The following TGFBR3 variants were observed in gnomAD, a reference collection of about 807,000 sequenced individuals.
The protein encoded by TGFBR3 is transforming growth factor beta receptor type 3.
A neutral mutation model predicts 87.9 loss-of-function variants in TGFBR3; 46 were observed. The observed-to-expected ratio is 0.52, with a 90% confidence interval of 0.41 to 0.67. The LOEUF (loss-of-function observed/expected upper bound fraction) is 0.67, where lower values mean the gene tolerates loss of function less well. Ranked by LOEUF, TGFBR3 falls within the 30% of genes least tolerant of loss-of-function variation. TGFBR3 has a pLI of 0.00. For synonymous variants in TGFBR3, 381 were observed against 391.6 expected, an observed-to-expected ratio of 0.97 and a Z score of 0.32; for missense variants, 866 against 1,041.9, an observed-to-expected ratio of 0.83 and a Z score of 2.32.
At chr1:91,886,834 A>G (rs1371822936), upstream of TGFBR3, among the ~76,000 whole-genome samples, 1 of 151,978 alleles carries the variant, frequency 6.6e-6, no homozygotes, top group Admixed American at 6.6e-5. Context: ...TAATGGAGCT[A>G]GGTCAGCATT....
At chr1:91,839,691 AGC>A (rs1677196324) in intron 2 of TGFBR3, among the ~76,000 whole-genome samples, 2 of 152,196 alleles carry the variant, frequency 1.3e-5, no homozygotes, top group African/African-American at 4.8e-5. Flanking sequence ...TAGTTCCCAA[AGC>A]GTCAAGGTCA....
chr1:91,828,347 C>T (rs1676723285), intron 2 of TGFBR3, among the ~76,000 whole-genome samples: 2 of 152,126 alleles, frequency 1.3e-5, no homozygotes, highest in South Asian at 4.1e-4. Flanking sequence ...AAAGAGTTTG[C>T]CAAATGGCAA....
At chr1:91,728,848 C>CAGG in intron 6 of TGFBR3, among the ~76,000 whole-genome samples, 1 of 152,278 alleles carries the variant, frequency 6.6e-6, no homozygotes, top group South Asian at 2.1e-4. Context: ...GGGTGAAATG[C>CAGG]AGGCTCATGT....
chr1:91,837,244 A>G (rs930632543), intron 2 of TGFBR3, among the ~76,000 whole-genome samples: 2 of 150,786 alleles, frequency 1.3e-5, no homozygotes, highest in Non-Finnish European at 3.0e-5. Context: ...TTATTTATTT[A>G]TTTATTTAAT....
In TGFBR3 at chr1:91,904,411, C is replaced by CT. The variant is rs370905311; in HGVS notation, c.-175+1414dup. On this transcript the variant is annotated intron_variant, in intron 1 of 17. Transcript: ENST00000370399. ...TGAGCACATTACTAAACCTAAAATT[C>CT]TTTTTTTTTTTTTCTTGCTCTGTCG... 1.5e-3 allele frequency among the ~76,000 whole-genome samples: 197 copies of CT among 133,696 alleles called. 1 individual carries two copies. Among genetic ancestry groups the CT allele is most frequent in the African/African-American group, 3.3e-3 (121 of 36,500 alleles). The allele number at this position is 133,696 out of a possible 152,430, so 87.7% of individuals were successfully genotyped here. A position where few individuals can be genotyped will look rare whatever the true frequency, so the allele number is the denominator to read the frequency against.
intron 12 of TGFBR3, among the ~76,000 whole-genome samples, chr1:91,713,079 A>G (rs1672040173): frequency 6.6e-6 from 1 of 152,188 alleles, no homozygotes; most frequent in South Asian, 2.1e-4. Flanking sequence ...GCGAGAAGGC[A>G]GAGCTGGCTC....
chr1:91,887,066 G>A (rs1679340873), upstream of TGFBR3, among the ~76,000 whole-genome samples: 1 of 151,934 alleles, frequency 6.6e-6, no homozygotes, highest in Admixed American at 6.6e-5. Context: ...TTTACAAACA[G>A]GCAGGTGAAA....
chr1:91,886,405 G>A (rs1402857640), upstream of TGFBR3: 3 of 335,910 alleles, frequency 8.9e-6, no homozygotes, highest in African/African-American at 6.8e-5. Flanking sequence ...GGGACGAGGA[G>A]GCCGAGAGAG....
intron 4 of TGFBR3, among the ~76,000 whole-genome samples, chr1:91,744,449 C>T (rs1195698230): frequency 6.6e-6 from 1 of 152,120 alleles, no homozygotes; most frequent in African/African-American, 2.4e-5. Flanking sequence ...ATATTGTTGG[C>T]ATTATATTTC....
At chr1:91,808,809 TC>T (rs1675929372) in intron 2 of TGFBR3, among the ~76,000 whole-genome samples, 1 of 152,178 alleles carries the variant, frequency 6.6e-6, no homozygotes, top group Admixed American at 6.5e-5. Flanking sequence ...TCCCTATTCT[TC>T]TCACAAGAAG....
chr1:91,890,409 C>CTT (rs1175619952), upstream of TGFBR3, among the ~76,000 whole-genome samples: 1,206 of 60,300 alleles, frequency 0.02, 298 homozygotes, highest in African/African-American at 0.035. Context: ...TCTCTATAAT[C>CTT]TTTTTTTTTT....
chr1:91,879,095 C>G (rs1202991928), intron 1 of TGFBR3, among the ~76,000 whole-genome samples: 1 of 151,918 alleles, frequency 6.6e-6, no homozygotes, highest in Non-Finnish European at 1.5e-5. Flanking sequence ...ATGGCAAAAC[C>G]CTGTCTCTAC....
intron 2 of TGFBR3, among the ~76,000 whole-genome samples, chr1:91,896,952 A>G (rs1445055391): frequency 6.9e-6 from 1 of 145,040 alleles, no homozygotes; most frequent in Non-Finnish European, 1.5e-5. Flanking sequence ...AAGTGTATAT[A>G]TCTTTTTTAA....
At position 91,787,403 on chromosome 1, in the gene TGFBR3, T is replaced by C. The variant is rs143558485; in HGVS notation, c.246+9884A>G. 9.7e-4 allele frequency among the ~76,000 whole-genome samples: 148 copies of C among 152,032 alleles called. 1 individual carries two copies. The highest frequency in any genetic ancestry group is 3.4e-3 in the African/African-American group (139 of 41,464). On this transcript the variant is annotated intron_variant, in intron 3 of 16. Coordinates refer to ENST00000212355, the MANE Select transcript of TGFBR3 (RefSeq NM_003243.5). ...TAAGTAACTCACCCAGGGTCACACA[T>C]GGGGAGTGGCAGAGCTGAGACTAGC...
rs570270112 is a variant in TGFBR3, at chr1:91,834,979, G to A, written c.61+26492C>T. On this transcript the variant is annotated intron_variant, in intron 2 of 16. Coordinates refer to ENST00000212355, the MANE Select transcript of TGFBR3 (RefSeq NM_003243.5). The stretch of plus-strand genomic sequence containing the variant: ...ACAGGTGTGAGTCACTGTGCCTGGC[G>A]GTGAGATAATTTTTAAGGCACAAAG... Among the ~76,000 whole-genome samples, 11 of 151,974 alleles carry A rather than the reference G, an allele frequency of 7.2e-5. No individual in the cohort carries two copies. The East Asian group carries it at 7.7e-4, about 11-fold the overall frequency.
At chr1:91,741,986 G>T (rs1358575093) in intron 4 of TGFBR3, among the ~76,000 whole-genome samples, 1 of 152,076 alleles carries the variant, frequency 6.6e-6, no homozygotes, top group East Asian at 1.9e-4. Flanking sequence ...CTCATCTCAT[G>T]CCACCCTCCC....
intron 2 of TGFBR3, among the ~76,000 whole-genome samples, chr1:91,852,065 A>G (rs1056300024): frequency 6.6e-6 from 1 of 152,156 alleles, no homozygotes; most frequent in African/African-American, 2.4e-5. Context: ...CTTGGAAAAC[A>G]TGGCGAAACC....
In TGFBR3 at chr1:91,727,312, G is replaced by A. The variant is rs567682952; in HGVS notation, c.885+347C>T. ...GAGGTCCTTGTGGGATGCTCAATAT[G>A]AAGGCTTAATTGTGTTCATTACTTT... is the stretch of plus-strand genomic sequence containing the variant. On this transcript the variant is annotated intron_variant, in intron 7 of 16. Coordinates refer to ENST00000212355, the MANE Select transcript of TGFBR3 (RefSeq NM_003243.5). Among the ~76,000 whole-genome samples, 8 of 152,320 alleles carry A rather than the reference G, an allele frequency of 5.3e-5. No homozygotes were observed. In the South Asian group the frequency reaches 1.7e-3, roughly 32 times the overall value.
intron 2 of TGFBR3, among the ~76,000 whole-genome samples, chr1:91,816,900 C>A (rs886180625): frequency 1.3e-5 from 2 of 152,096 alleles, no homozygotes; most frequent in Non-Finnish European, 2.9e-5. Context: ...CACTTACTCC[C>A]ATATAATAGG....
Sources: gnomAD v4.1 joint callset for allele counts (sites outside exome capture counted in the v4.1 genomes callset) on GRCh38, gnomAD v4.1.1 for gene constraint, MANE v1.5 for transcripts, NCBI Gene and HGNC (gene_info 2026-07-23, HGNC 2026-07-21) for gene names.